The following DENND11 variants were observed in gnomAD, a reference collection of about 807,000 sequenced individuals.
DENND11 encodes the protein DENN domain containing 11.
Under a neutral mutation model 49.2 loss-of-function variants are expected in DENND11, and 34 were observed. The observed-to-expected ratio is 0.69, with a 90% CI of 0.53 to 0.92. The LOEUF is 0.92. DENND11 is among the 40% of genes least tolerant of loss of function. The pLI is 0.00. For missense variants in DENND11, 475 were observed against 581.6 expected (o/e 0.82, Z 1.88); for synonymous variants, 238 against 230.3 (o/e 1.03, Z -0.30).
chr7:141,686,560 T>C lies in DENND11; in HGVS notation c.367A>G (p.Ile123Val). The C allele has an allele frequency of 1.3e-6, 2 of 1,599,958 alleles. No homozygotes were observed. The highest frequency in any genetic ancestry group is 2.2e-5 in the South Asian group (2 of 90,062). Residue 123 changes from isoleucine to valine, a missense_variant and splice_region_variant, in exon 2 of 9, where the codon ATC (isoleucine) becomes GTC (valine). Ile to Val is a conservative substitution (Grantham distance 29). Transcript: ENST00000536163. ...SGSHKIQSDF[I>V]YFRKGPFFGL... ...TGACTCCAGTTCAGAAGTACTTACATGAAATCAGATTGGATTTTATGGGAC... is the reference window on the plus strand; with the variant it reads ...TGACTCCAGTTCAGAAGTACTTACACGAAATCAGATTGGATTTTATGGGAC...
In DENND11 at chr7:141,674,083, A is replaced by G. The variant is rs1428284363; in HGVS notation, c.665T>C (p.Met222Thr). The G allele has an allele frequency of 1.9e-6, 3 of 1,605,450 alleles. No individual in the cohort carries two copies. Among genetic ancestry groups the G allele is most frequent in the Admixed American group, 3.4e-5 (2 of 58,898 alleles). ...TAACCTCACCTTCATCTCAGGGTAC[A>G]TGTATCGGTGGATGGAAGGCAGCCA... is the stretch of plus-strand genomic sequence containing the variant. ...VYWLPSIHRYMYPEMKITHPA... is the reference protein window; with the variant it reads ...VYWLPSIHRYTYPEMKITHPA... Residue 222 changes from methionine (M) to threonine (T), a missense_variant, in exon 4 of 9, where the codon ATG becomes ACG. Met to Thr is a moderately conservative substitution (Grantham distance 81, BLOSUM62 -1). Coordinates refer to ENST00000536163, the MANE Select transcript of DENND11 (RefSeq NM_001080392.2).
chr7:141,681,384 G>T (rs1798144339), intron 3 of DENND11, among the ~76,000 whole-genome samples: 1 of 152,212 alleles, frequency 6.6e-6, no homozygotes, highest in Admixed American at 6.5e-5. Context: ...GGCTGGAAAA[G>T]CCAATGCTAC....
chr7:141,671,755 G>GA (rs1381263771), intron 4 of DENND11, among the ~76,000 whole-genome samples: 5 of 152,034 alleles, frequency 3.3e-5, no homozygotes, highest in Non-Finnish European at 5.9e-5. Context: ...GACTCTGAAG[G>GA]AAAAAATGGG....
Position 141,662,371 on chromosome 7 carries a change from C to T in DENND11, c.*285G>A, listed in dbSNP as rs1797812003. 2 of 362,480 alleles carry T rather than the reference C, an allele frequency of 5.5e-6. No individual in the cohort carries two copies. The highest frequency in any genetic ancestry group is 4.7e-5 in the Admixed American group (1 of 21,310). The allele number at this position is 362,480 out of a possible 1,614,324, so 22.5% of individuals were successfully genotyped here. A position where few individuals can be genotyped will look rare whatever the true frequency, so the allele number is the denominator to read the frequency against. On this transcript the variant is annotated 3_prime_UTR_variant, in exon 9 of 9. Transcript: ENST00000536163. ...CCCAATGTTTCCAGAGCTCAGCCTA[C>T]TCCTAGTGATACAACTCCCATGACC...
chr7:141,677,503 GTATATATA>G lies in DENND11; in HGVS notation c.528-3291_528-3284del, dbSNP rs140901096. ...TATATTTATATGTGTGTGTGTGTGT[GTATATATA>G]TATATATATGTATATATATATATAT... On this transcript the variant is annotated intron_variant, in intron 3 of 8. Transcript: ENST00000536163. Among the ~76,000 whole-genome samples the G allele has an allele frequency of 9.2e-4, 123 of 134,184 alleles. 1 individual carries two copies. Among genetic ancestry groups the G allele is most frequent in the African/African-American group, 3.2e-3 (117 of 36,430 alleles). 88.0% of individuals were successfully genotyped at this position (134,184 alleles called of 152,430 possible). A position where few individuals can be genotyped will look rare whatever the true frequency, so the allele number is the denominator to read the frequency against.
At chr7:141,688,308 C>A (rs1300203748) in intron 1 of DENND11, among the ~76,000 whole-genome samples, 1 of 152,176 alleles carries the variant, frequency 6.6e-6, no homozygotes, top group Non-Finnish European at 1.5e-5. Flanking sequence ...ATTAGAAAAA[C>A]CATCAATGAT....
chr7:141,661,179 A>C lies in DENND11; in HGVS notation c.*1477T>G, dbSNP rs904592336. 2.0e-5 allele frequency: 3 copies of C among 152,338 alleles called. No individual in the cohort carries two copies. The highest frequency in any genetic ancestry group is 4.4e-5 in the Non-Finnish European group (3 of 68,032). The allele number at this position is 152,338 out of a possible 1,614,324, so 9.4% of individuals were successfully genotyped here. ...GTCTGGCTGGGTGTTGGTCACAGAC[A>C]TGGATGCACTGACGGCTATTCCCAT... On this transcript the variant is annotated 3_prime_UTR_variant, in exon 9 of 9. Coordinates refer to ENST00000536163, the MANE Select transcript of DENND11 (RefSeq NM_001080392.2).
At position 141,687,463 on chromosome 7, in the gene DENND11, AT is replaced by A. The variant is rs754606947; in HGVS notation, c.269-806del. 2.8e-3 allele frequency among the ~76,000 whole-genome samples: 403 copies of A among 141,948 alleles called. 3 individuals are homozygous for A. The highest frequency in any genetic ancestry group is 4.7e-3 in the East Asian group (23 of 4,864). 93.1% of individuals were successfully genotyped at this position (141,948 alleles called of 152,430 possible). On this transcript the variant is annotated intron_variant, in intron 1 of 8. Coordinates refer to ENST00000536163, the MANE Select transcript of DENND11 (RefSeq NM_001080392.2). Reference sequence around the variant, plus strand: ...ATGTTATGACAGAGGATAAGGTGCGATTTTTTTTTTTTTTTCTCGAGACTGA... The same window carrying A: ...ATGTTATGACAGAGGATAAGGTGCGATTTTTTTTTTTTTTCTCGAGACTGA...
chr7:141,701,513 T>C (rs1470267352), intron 1 of DENND11: 1 of 152,978 alleles, frequency 6.5e-6, no homozygotes, highest in Non-Finnish European at 1.5e-5. Flanking sequence ...AAAAATCTTC[T>C]AGCCCCCAAG....
At position 141,660,642 on chromosome 7, in the gene DENND11, T is replaced by C. The variant is rs1797775402; in HGVS notation, c.*2014A>G. The stretch of plus-strand genomic sequence containing the variant: ...AGAAAAAGGAGGTCTTCTTGTGTCC[T>C]CTAGGAGAATCAGACCTTTCCTTTC... On this transcript the variant is annotated 3_prime_UTR_variant, in exon 9 of 9. Transcript: ENST00000536163. 2 of 152,254 alleles carry C rather than the reference T, an allele frequency of 1.3e-5. No homozygotes were observed. Among genetic ancestry groups the C allele is most frequent in the Admixed American group, 1.3e-4 (2 of 15,284 alleles). The allele number at this position is 152,254 out of a possible 1,614,324, so 9.4% of individuals were successfully genotyped here. A position where few individuals can be genotyped will look rare whatever the true frequency, so the allele number is the denominator to read the frequency against.
intron 1 of DENND11, among the ~76,000 whole-genome samples, chr7:141,690,658 G>C (rs577331979): frequency 6.6e-6 from 1 of 152,178 alleles, no homozygotes; most frequent in Non-Finnish European, 1.5e-5. Context: ...AAAAATGTTT[G>C]CGTCACTGCA....
chr7:141,698,949 G>A (rs1798459721), intron 1 of DENND11, among the ~76,000 whole-genome samples: 1 of 151,980 alleles, frequency 6.6e-6, no homozygotes, highest in Admixed American at 6.5e-5. Context: ...GGTGGCGGAG[G>A]GTTGAGGTGG....
chr7:141,701,554 A>C (rs1006488073), intron 1 of DENND11: 3 of 169,168 alleles, frequency 1.8e-5, no homozygotes, highest in East Asian at 1.6e-4. Context: ...GTGGCCACAA[A>C]CCGGATGCCC....
chr7:141,690,390 TTCCTCC>T (rs533600990), intron 1 of DENND11, among the ~76,000 whole-genome samples: 1 of 152,058 alleles, frequency 6.6e-6, no homozygotes. Flanking sequence ...ACTCTTCCTT[TTCCTCC>T]TCCTCCTCCT....
At position 141,668,593 on chromosome 7, in the gene DENND11, AAACAAAC is replaced by A. The variant is rs376804316; in HGVS notation, c.682-2175_682-2169del. Among the ~76,000 whole-genome samples, 169 of 148,052 alleles carry A rather than the reference AAACAAAC, an allele frequency of 1.1e-3. 2 individuals carry two copies. The highest frequency in any genetic ancestry group is 4.1e-3 in the African/African-American group (167 of 40,300). ...AATGCGAGACTGTCTCAAAACAAAC[AAACAAAC>A]AACAAACAAAAACAGATGAATCTGA... is the stretch of plus-strand genomic sequence containing the variant. On this transcript the variant is annotated intron_variant, in intron 4 of 8. Coordinates refer to ENST00000536163, the MANE Select transcript of DENND11 (RefSeq NM_001080392.2).
At chr7:141,689,500 G>C (rs1193355578) in intron 1 of DENND11, among the ~76,000 whole-genome samples, 1 of 152,200 alleles carries the variant, frequency 6.6e-6, no homozygotes, top group Admixed American at 6.5e-5. Context: ...AACACATGCA[G>C]GGCTTAATAC....
chr7:141,678,051 C>T (rs1165905759), intron 3 of DENND11, among the ~76,000 whole-genome samples: 1 of 152,028 alleles, frequency 6.6e-6, no homozygotes, highest in East Asian at 1.9e-4. Flanking sequence ...CAACCTCCAC[C>T]TCTGGGTTCA....
chr7:141,686,393 C>A (rs1299934446), intron 2 of DENND11, among the ~76,000 whole-genome samples, 166 bp downstream of exon 2: 1 of 152,152 alleles, frequency 6.6e-6, no homozygotes, highest in Admixed American at 6.5e-5. Flanking sequence ...CTGATGAAAG[C>A]TAGACATCTC....
intron 1 of DENND11, 96 bp downstream of exon 1, chr7:141,701,790 G>A (rs1798524430): frequency 9.9e-7 from 1 of 1,006,664 alleles, no homozygotes; most frequent in Non-Finnish European, 1.2e-6. Context: ...GGGGCCGGGA[G>A]GGCAGGTGCG....
Sources: gnomAD v4.1 joint callset for allele counts (sites outside exome capture counted in the v4.1 genomes callset) on GRCh38, gnomAD v4.1.1 for gene constraint, MANE v1.5 for transcripts, NCBI Gene and HGNC (gene_info 2026-07-23, HGNC 2026-07-21) for gene names.